AS3MT: variants seen among roughly 807,000 people sequenced by gnomAD.
AS3MT encodes the protein arsenite methyltransferase, also known as S-adenosyl-L-methionine:arsenic(III) methyltransferase.
A neutral mutation model predicts 45.3 loss-of-function variants in AS3MT; 47 were observed. The observed-to-expected ratio is 1.04, with a 90% CI of 0.82 to 1.32. The LOEUF is 1.32. Ranked by LOEUF, AS3MT falls within the 40% of genes most tolerant of loss-of-function variation. The pLI, the probability that AS3MT is intolerant of heterozygous loss-of-function variation, is 0.00. For synonymous variants in AS3MT, 141 were observed against 152.8 expected, an observed-to-expected ratio of 0.92 and a Z score of 0.57; for missense variants, 396 against 451.1, an observed-to-expected ratio of 0.88 and a Z score of 1.11.
rs1184690622 is a variant in AS3MT, at chr10:102,870,127, C to T, written c.86C>T (p.Thr29Ile). 1.2e-6 allele frequency: 2 copies of T among 1,614,158 alleles called. No homozygotes were observed. Among genetic ancestry groups the T allele is most frequent in the Non-Finnish European group, 8.5e-7 (1 of 1,180,030 alleles). The change falls in exon 3 of 11, where the codon ACC becomes ATC. Residue 29 changes from threonine (T) to isoleucine (I), a missense_variant. Physicochemically the swap from Thr to Ile is moderately conservative, Grantham distance 89. Transcript: ENST00000369880. ...CTGAAGAGATCGGCAGACCTCCAGA[C>T]CAACGGCTGTGTCACCACAGCCAGG... Reference protein sequence around the residue: ...QVLKRSADLQTNGCVTTARPV... With the variant: ...QVLKRSADLQINGCVTTARPV...
chr10:102,874,205 A>G (rs1376681471), intron 5 of AS3MT, among the ~76,000 whole-genome samples: 1 of 151,484 alleles, frequency 6.6e-6, no homozygotes, highest in Admixed American at 6.6e-5. Context: ...ATGAGCCGAG[A>G]TTGCGCCATT....
chr10:102,888,869 A>T lies in AS3MT; in HGVS notation c.886-1675A>T, dbSNP rs868751902. ...TCAAACCCTATATATATATATATAT[A>T]TATATATATATATTTTTTTTTTTTT... is the stretch of plus-strand genomic sequence containing the variant. On this transcript the variant is annotated intron_variant, in intron 9 of 10. Transcript: ENST00000369880. 5.4e-3 allele frequency among the ~76,000 whole-genome samples: 481 copies of T among 88,568 alleles called. 33 individuals are homozygous for T. Among genetic ancestry groups the T allele is most frequent in the Middle Eastern group, 0.011 (2 of 182 alleles). 58.1% of individuals were successfully genotyped at this position (88,568 alleles called of 152,430 possible). A position where few individuals can be genotyped will look rare whatever the true frequency, so the allele number is the denominator to read the frequency against.
chr10:102,874,671 A>G lies in AS3MT; in HGVS notation c.528+10A>G. Reference sequence around the variant, plus strand: ...ATATCGGGTGCTGAAGGTGAGGAGGAGAGTGAGATAAATTATCTTTGAACA... The same window carrying G: ...ATATCGGGTGCTGAAGGTGAGGAGGGGAGTGAGATAAATTATCTTTGAACA... On this transcript the variant is annotated intron_variant, in intron 6 of 10. Transcript: ENST00000369880. The G allele has an allele frequency of 4.4e-6, 7 of 1,592,986 alleles. No homozygotes were observed. Among genetic ancestry groups the G allele is most frequent in the Non-Finnish European group, 6.0e-6 (7 of 1,164,412 alleles).
chr10:102,901,092 C>CAAAAAAAAAAAAAAA lies in AS3MT; in HGVS notation c.*397_*411dup, dbSNP rs370301616. 5.3e-5 allele frequency: 4 copies of CAAAAAAAAAAAAAAA among 75,712 alleles called. No homozygotes were observed. The highest frequency in any genetic ancestry group is 1.7e-4 in the Admixed American group (1 of 5,778). 4.7% of individuals were successfully genotyped at this position (75,712 alleles called of 1,614,324 possible). On this transcript the variant is annotated 3_prime_UTR_variant, in exon 11 of 11. Transcript: ENST00000369880. ...ACAGAGCAAGACTCTGTCTCAAAAG[C>CAAAAAAAAAAAAAAA]AAAAAAAAAAAAAAAAAAAGAAAGA...
At position 102,872,510 on chromosome 10, in the gene AS3MT, G is replaced by A. The variant is rs549165947; in HGVS notation, c.233G>A (p.Gly78Asp). 1.2e-5 allele frequency: 19 copies of A among 1,614,114 alleles called. No homozygotes were observed. Among genetic ancestry groups the A allele is most frequent in the Non-Finnish European group, 1.4e-5 (17 of 1,179,988 alleles). The change falls in exon 4 of 11, where the codon GGT becomes GAT. Residue 78 changes from glycine (G) to aspartate (D), a missense_variant. By Grantham distance (94) the Gly-to-Asp change is moderately conservative. Coordinates refer to ENST00000369880, the MANE Select transcript of AS3MT (RefSeq NM_020682.4). Reference protein sequence around the residue: ...HLENCWILDLGSGSGRDCYVL... With the variant: ...HLENCWILDLDSGSGRDCYVL... ...GAAAACTGCTGGATTTTGGATCTGG[G>A]TAGTGGAAGTGGCAGAGATTGCTAT...
At chr10:102,896,262 T>A (rs1277433408) in intron 10 of AS3MT, among the ~76,000 whole-genome samples, 1 of 142,032 alleles carries the variant, frequency 7.0e-6, no homozygotes, top group African/African-American at 2.7e-5. Flanking sequence ...GAGCCCGGGA[T>A]GTGGAGGCTG....
At chr10:102,898,812 T>G (rs984927200) in intron 10 of AS3MT, among the ~76,000 whole-genome samples, 4 of 152,184 alleles carry the variant, frequency 2.6e-5, no homozygotes, top group Non-Finnish European at 5.9e-5. Flanking sequence ...AGACTGAGGC[T>G]CTGAAAGATT....
intron 6 of AS3MT, 148 bp downstream of exon 6, chr10:102,874,809 G>A (rs1165566871): frequency 1.5e-6 from 1 of 656,352 alleles, no homozygotes. Flanking sequence ...GAAGGGGCAG[G>A]AATACCCCGG....
intron 10 of AS3MT, among the ~76,000 whole-genome samples, chr10:102,895,233 T>TATCA (rs1845144428): frequency 1.3e-5 from 2 of 152,026 alleles, no homozygotes; most frequent in Middle Eastern, 3.4e-3. Flanking sequence ...AGTTTCACTC[T>TATCA]ATCACCCAGG....
At chr10:102,888,881 A>ATATATATATATATT (rs1491503446) in intron 9 of AS3MT, among the ~76,000 whole-genome samples, 2 of 52,522 alleles carry the variant, frequency 3.8e-5, no homozygotes, top group African/African-American at 1.4e-4. Flanking sequence ...ATATATATAT[A>ATATATATATATATT]TTTTTTTTTT....
intron 10 of AS3MT, among the ~76,000 whole-genome samples, chr10:102,896,665 C>T (rs752077751): frequency 3.3e-5 from 5 of 151,966 alleles, no homozygotes; most frequent in East Asian, 1.9e-4. Context: ...AAAAATTAGC[C>T]GGGCGTGGTG....
chr10:102,871,464 G>A (rs1393673338), intron 3 of AS3MT, among the ~76,000 whole-genome samples: 2 of 144,782 alleles, frequency 1.4e-5, no homozygotes, highest in East Asian at 2.1e-4. Flanking sequence ...GGAGAACGGC[G>A]TGAACCCGGG....
chr10:102,873,546 A>G (rs1052495082), intron 5 of AS3MT, among the ~76,000 whole-genome samples: 2 of 152,234 alleles, frequency 1.3e-5, no homozygotes, highest in Non-Finnish European at 2.9e-5. Flanking sequence ...TCCACCTCCC[A>G]AAGTGCTGGG....
intron 10 of AS3MT, among the ~76,000 whole-genome samples, chr10:102,898,568 C>T (rs991061731): frequency 2.6e-5 from 4 of 151,296 alleles, no homozygotes; most frequent in African/African-American, 7.3e-5. Context: ...CCAGCCTCGG[C>T]GACAAAGGGA....
intron 10 of AS3MT, among the ~76,000 whole-genome samples, chr10:102,890,969 T>G (rs1845060815): frequency 6.6e-6 from 1 of 152,138 alleles, no homozygotes; most frequent in Non-Finnish European, 1.5e-5. Context: ...TGCCTCAGTC[T>G]CCCAAAGTGC....
At chr10:102,889,677 A>ACG (rs1845033224) in intron 9 of AS3MT, among the ~76,000 whole-genome samples, 1 of 59,636 alleles carries the variant, frequency 1.7e-5, no homozygotes, top group South Asian at 6.7e-4. Context: ...TCCTCCCTCC[A>ACG]CCCCCCCCGC....
At chr10:102,878,263 A>G (rs1844818574) in intron 7 of AS3MT, 116 bp from the exon 8 acceptor site, 14 of 1,405,984 alleles carry the variant, frequency 1.0e-5, no homozygotes, top group East Asian at 4.6e-5. Context: ...TTCTACTGCT[A>G]GGATCTATGT....
intron 6 of AS3MT, 118 bp from the exon 7 acceptor site, chr10:102,876,836 A>G (rs1184909398): frequency 7.2e-6 from 7 of 973,516 alleles, no homozygotes; most frequent in Non-Finnish European, 1.1e-5. Flanking sequence ...ACAAAGGGTC[A>G]GCTTAAACAT....
chr10:102,882,657 T>C (rs1407361486), intron 9 of AS3MT, among the ~76,000 whole-genome samples: 1 of 152,102 alleles, frequency 6.6e-6, no homozygotes, highest in African/African-American at 2.4e-5. Flanking sequence ...TGACTCAATC[T>C]CAGCTCACTG....
Sources: allele counts gnomAD v4.1 joint callset (sites outside exome capture counted in the v4.1 genomes callset), GRCh38; gene constraint gnomAD v4.1.1; transcripts MANE v1.5; gene names NCBI Gene and HGNC (gene_info 2026-07-23, HGNC 2026-07-21).